MKI67: variants seen among roughly 807,000 people sequenced by gnomAD.
MKI67 encodes the protein proliferation marker protein Ki-67.
MKI67 carries 152 observed loss-of-function variants against 233.5 expected under a neutral mutation model. The observed-to-expected ratio is 0.65, with a 90% CI of 0.57 to 0.74. The LOEUF (loss-of-function observed/expected upper bound fraction) is 0.74, where lower values mean the gene tolerates loss of function less well. Ranked by LOEUF, MKI67 falls within the 30% of genes least tolerant of loss-of-function variation. The pLI is 0.00. For missense variants in MKI67, 3,940 were observed against 3,885.2 expected (o/e 1.01, Z -0.37); for synonymous variants, 1,465 against 1,418.5 (o/e 1.03, Z -0.74).
In MKI67 at chr10:128,115,135, T is replaced by G; in HGVS notation, c.1273A>C (p.Ser425Arg). The G allele has an allele frequency of 6.2e-7, 1 of 1,614,258 alleles. No individual in the cohort carries two copies. The highest frequency in any genetic ancestry group is 1.1e-5 in the South Asian group (1 of 91,086). The change falls in exon 7 of 15, where the codon AGT (serine) becomes CGT (arginine). Residue 425 changes from serine to arginine, a missense_variant. Coordinates refer to ENST00000368654, the MANE Select transcript of MKI67 (RefSeq NM_002417.5). ...PENLSSKTRG[S>R]IPTDVEVLPT... ...AGAACTTCCACATCTGTAGGAATAC[T>G]TCCTCTGGTTTTGGAAGAGAGATTT...
chr10:128,110,282 T>G, intron 12 of MKI67, 96 bp downstream of exon 12: 1 of 998,470 alleles, frequency 1.0e-6, no homozygotes, highest in Non-Finnish European at 1.4e-6. Flanking sequence ...CCAGGAACAT[T>G]TGTTTTAGAG....
intron 4 of MKI67, among the ~76,000 whole-genome samples, chr10:128,119,868 C>T (rs1852894329): frequency 6.6e-6 from 1 of 152,228 alleles, no homozygotes; most frequent in African/African-American, 2.4e-5. Context: ...AAGACAGGTA[C>T]ATCTTAAGAA....
rs1308882080 is a variant in MKI67, at chr10:128,104,755, C to T, written c.7085G>A (p.Arg2362Lys). The change falls in exon 13 of 15, where the codon AGA becomes AAA. Residue 2362 changes from arginine (R) to lysine (K), a missense_variant. By Grantham distance (26) the Arg-to-Lys change is conservative. Coordinates refer to ENST00000368654, the MANE Select transcript of MKI67 (RefSeq NM_002417.5). ...CTCTACGTCTGCTTTCCTGAGGTTT[C>T]TCTTGGGCCGTTGCTTTGTGCTTGC... is the stretch of plus-strand genomic sequence containing the variant. ...TPASTKQRPKRNLRKADVEEE... is the reference protein window; with the variant it reads ...TPASTKQRPKKNLRKADVEEE... The T allele has an allele frequency of 6.2e-7, 1 of 1,613,016 alleles. No homozygotes were observed. The highest frequency in any genetic ancestry group is 8.5e-7 in the Non-Finnish European group (1 of 1,179,836).
Position 128,099,143 on chromosome 10 carries a change from T to C in MKI67, c.*47A>G, listed in dbSNP as rs755434323. 2 of 1,468,172 alleles carry C rather than the reference T, an allele frequency of 1.4e-6. No homozygotes were observed. The highest frequency in any genetic ancestry group is 4.6e-5 in the East Asian group (2 of 43,840). 90.9% of individuals were successfully genotyped at this position (1,468,172 alleles called of 1,614,324 possible). ...TTATGACAAAAACTGCACTAGAACT[T>C]ATCACAAAACTAACTTTATTATATT... On this transcript the variant is annotated 3_prime_UTR_variant, in exon 15 of 15. Transcript: ENST00000368654.
In MKI67 at chr10:128,098,234, A is replaced by T. The variant is rs1251341121; in HGVS notation, c.*956T>A. 6.6e-6 allele frequency: 1 copy of T among 152,402 alleles called. No homozygotes were observed. The highest frequency in any genetic ancestry group is 1.5e-5 in the Non-Finnish European group (1 of 68,136). The allele number at this position is 152,402 out of a possible 1,614,324, so 9.4% of individuals were successfully genotyped here. On this transcript the variant is annotated 3_prime_UTR_variant, in exon 15 of 15. Coordinates refer to ENST00000368654, the MANE Select transcript of MKI67 (RefSeq NM_002417.5). ...GAGATTTCGGAGGCAGCGGCTCACA[A>T]GGAAGCGATCCTGAAATCGTGGCTG...
In MKI67 at chr10:128,113,409, G is replaced by A. The variant is rs529869776; in HGVS notation, c.1656+18C>T. 152 of 1,613,364 alleles carry A rather than the reference G, an allele frequency of 9.4e-5. 3 individuals carry two copies. The South Asian group carries it at 1.3e-3, about 13-fold the overall frequency. ...GTGAGCCACTGGGCGTGAATGGGAT[G>A]CTGCTTGTTCAACTCACCTTGATGA... On this transcript the variant is annotated intron_variant, in intron 8 of 14. Transcript: ENST00000368654.
rs1590310592 is a variant in MKI67, at chr10:128,112,507, G to A, written c.1657-62C>T. 2.3e-5 allele frequency: 34 copies of A among 1,452,308 alleles called. No homozygotes were observed. The East Asian group carries it at 7.3e-4, about 31-fold the overall frequency. The allele number at this position is 1,452,308 out of a possible 1,614,324, so 90.0% of individuals were successfully genotyped here. A position where few individuals can be genotyped will look rare whatever the true frequency, so the allele number is the denominator to read the frequency against. On this transcript the variant is annotated intron_variant, in intron 8 of 14. Coordinates refer to ENST00000368654, the MANE Select transcript of MKI67 (RefSeq NM_002417.5). ...AGGATCTAACATCTCTGGAATGACT[G>A]ATAAAAACCTATTCAGTTAAGAATT... is the stretch of plus-strand genomic sequence containing the variant.
In MKI67 at chr10:128,125,977, C is replaced by T; in HGVS notation, c.-90+122G>A. The stretch of plus-strand genomic sequence containing the variant: ...TTCCACCGAGACGCCCTCGCCAGAG[C>T]CCAGGAGGAGTCGGGCCCAGGCCGC... On this transcript the variant is annotated intron_variant, in intron 1 of 14. Transcript: ENST00000368654. The surrounding 1 kb of genome is among the most constrained non-coding windows in gnomAD (Gnocchi z 5.3). 1 of 399,392 alleles carries T rather than the reference C, an allele frequency of 2.5e-6. No individual in the cohort carries two copies. Among genetic ancestry groups the T allele is most frequent in the South Asian group, 2.2e-5 (1 of 45,034 alleles). The allele number at this position is 399,392 out of a possible 1,614,324, so 24.7% of individuals were successfully genotyped here.
chr10:128,106,159 C>T lies in MKI67; in HGVS notation c.5681G>A (p.Arg1894Lys). ...TTTGCCTGCTGATGGTGTTAGTTTC[C>T]TGAATGCTAAAAATTCTTCCTCTAC... ...ADVEEEFLAF[R>K]KLTPSAGKAM... The change falls in exon 13 of 15, where the codon AGG becomes AAG. Residue 1894 changes from arginine (R) to lysine (K), a missense_variant. By Grantham distance (26) the Arg-to-Lys change is conservative. Transcript: ENST00000368654. 6.2e-7 allele frequency: 1 copy of T among 1,613,608 alleles called. No individual in the cohort carries two copies. The highest frequency in any genetic ancestry group is 8.5e-7 in the Non-Finnish European group (1 of 1,179,932).
intron 14 of MKI67, among the ~76,000 whole-genome samples, chr10:128,100,130 T>C (rs1447528038): frequency 6.6e-6 from 1 of 152,236 alleles, no homozygotes; most frequent in Non-Finnish European, 1.5e-5. Flanking sequence ...TTCTAGGACC[T>C]TGTCTGGCAC....
rs1341466204 is a variant in MKI67, at chr10:128,105,789, C to T, written c.6051G>A (p.Lys2017=). 1 of 1,614,210 alleles carries T rather than the reference C, an allele frequency of 6.2e-7. No homozygotes were observed. Among genetic ancestry groups the T allele is most frequent in the Non-Finnish European group, 8.5e-7 (1 of 1,180,036 alleles). ...GVKEEVLPVG[K]LTQTSGKTTQ... Reference sequence around the variant, plus strand: ...TGGTCTTCCCTGACGTCTGTGTGAGCTTGCCGACTGGTAGGACCTCTTCTT... The same window carrying T: ...TGGTCTTCCCTGACGTCTGTGTGAGTTTGCCGACTGGTAGGACCTCTTCTT... The change falls in exon 13 of 15, where the codon AAG becomes AAA. Residue 2017 remains lysine, a synonymous_variant. Coordinates refer to ENST00000368654, the MANE Select transcript of MKI67 (RefSeq NM_002417.5).
intron 5 of MKI67, among the ~76,000 whole-genome samples, chr10:128,117,216 C>T (rs545130740): frequency 2.6e-5 from 4 of 151,560 alleles, no homozygotes; most frequent in East Asian, 1.9e-4. Context: ...TAACCCCCCA[C>T]GAGCTCAGAA....
Position 128,103,939 on chromosome 10 carries a change from TTGTG to T in MKI67, c.7897_7900del (p.His2633LysfsTer13), listed in dbSNP as rs143354291. On this transcript the variant is annotated frameshift_variant, in exon 13 of 15. Coordinates refer to ENST00000368654, the MANE Select transcript of MKI67 (RefSeq NM_002417.5). LOFTEE classifies it high-confidence loss of function. ...GCCCTCATCACCGCTTGCTGGTTCT[TTGTG>T]TGTGTGTGTGCTTTGCCCTGATGTT... 1 of 1,613,664 alleles carries T rather than the reference TTGTG, an allele frequency of 6.2e-7. No homozygotes were observed. Among genetic ancestry groups the T allele is most frequent in the Non-Finnish European group, 8.5e-7 (1 of 1,179,802 alleles).
In MKI67 at chr10:128,116,024, G is replaced by T; in HGVS notation, c.401-17C>A. The T allele has an allele frequency of 6.5e-7, 1 of 1,546,620 alleles. No homozygotes were observed. Among genetic ancestry groups the T allele is most frequent in the Non-Finnish European group, 8.7e-7 (1 of 1,153,592 alleles). ...CTTTCTCATCTTGGCAATGAATTAT[G>T]AAATAAGAAACAGAAGTTCAGCATT... is the stretch of plus-strand genomic sequence containing the variant. On this transcript the variant is annotated splice_polypyrimidine_tract_variant and intron_variant, in intron 6 of 14. Transcript: ENST00000368654.
chr10:128,115,465 G>T lies in MKI67; in HGVS notation c.943C>A (p.Gln315Lys). 1 of 1,613,810 alleles carries T rather than the reference G, an allele frequency of 6.2e-7. No homozygotes were observed. The highest frequency in any genetic ancestry group is 8.5e-7 in the Non-Finnish European group (1 of 1,179,916). ...ACGTCTCTTCCCTTCCCCTTGTTCTGGTCAAGCTCTTGTTCAGGTGAAGCA... is the reference window on the plus strand; with the variant it reads ...ACGTCTCTTCCCTTCCCCTTGTTCTTGTCAAGCTCTTGTTCAGGTGAAGCA... Reference protein sequence around the residue: ...EPASPEQELDQNKGKGRDVES... With the variant: ...EPASPEQELDKNKGKGRDVES... The change falls in exon 7 of 15, where the codon CAG becomes AAG. Residue 315 changes from glutamine to lysine, a missense_variant. By Grantham distance (53) the Gln-to-Lys change is moderately conservative. Transcript: ENST00000368654.
At position 128,126,250 on chromosome 10, in the gene MKI67, G is replaced by C. The variant is rs1261353425; in HGVS notation, c.-241C>G. On this transcript the variant is annotated 5_prime_UTR_variant, in exon 1 of 15. Transcript: ENST00000368654. ...GCACACACCGGGCCGCAGCCCGCGG[G>C]GTCGCGTTCGCTGCACCCCGGCCTG... 6.5e-6 allele frequency: 1 copy of C among 153,014 alleles called. No homozygotes were observed. Among genetic ancestry groups the C allele is most frequent in the Non-Finnish European group, 1.5e-5 (1 of 68,638 alleles). The allele number at this position is 153,014 out of a possible 1,614,324, so 9.5% of individuals were successfully genotyped here.
intron 14 of MKI67, 98 bp downstream of exon 14, chr10:128,101,160 T>C (rs1157580406): frequency 1.8e-6 from 2 of 1,140,164 alleles, no homozygotes; most frequent in East Asian, 2.4e-5. Flanking sequence ...CAGAGTGCTG[T>C]TGAAGATAAT....
chr10:128,119,459 T>A, intron 4 of MKI67, 140 bp from the exon 5 acceptor site: 2 of 594,208 alleles, frequency 3.4e-6, no homozygotes, highest in Non-Finnish European at 5.8e-6. Flanking sequence ...AAGAAATAAA[T>A]TTAGAGTTAG....
chr10:128,119,263 A>G lies in MKI67; in HGVS notation c.344T>C (p.Ile115Thr), dbSNP rs1344200493. Residue 115 changes from isoleucine to threonine, a missense_variant, in exon 5 of 15, where the codon ATA (isoleucine) becomes ACA (threonine). Coordinates refer to ENST00000368654, the MANE Select transcript of MKI67 (RefSeq NM_002417.5). ...GATATTTTCTATCACCTGTTCACGT[A>G]TTTTTCTTGGAAATTCAGTTGACTT... The part of the protein sequence containing the change: ...GRKSTEFPRK[I>T]REQEPARRVS... The G allele has an allele frequency of 1.9e-6, 3 of 1,606,324 alleles. No individual in the cohort carries two copies. The highest frequency in any genetic ancestry group is 3.3e-4 in the Middle Eastern group (2 of 6,052).
Sources: allele counts gnomAD v4.1 joint callset (sites outside exome capture counted in the v4.1 genomes callset), GRCh38; gene constraint gnomAD v4.1.1; non-coding constraint Gnocchi (gnomAD v3.1); transcripts MANE v1.5; gene names NCBI Gene and HGNC (gene_info 2026-07-23, HGNC 2026-07-21).